FRMPD4: variants seen among roughly 807,000 people sequenced by gnomAD.
The protein encoded by FRMPD4 is FERM and PDZ domain containing 4.
In FRMPD4, 22 loss-of-function variants were observed where a neutral mutation model predicts 94.1. That is an observed-to-expected ratio of 0.23 (90% CI 0.17 to 0.33). FRMPD4 has a LOEUF of 0.33. Ranked by LOEUF, FRMPD4 falls within the 10% of genes least tolerant of loss-of-function variation. The pLI is 1.00. For missense variants in FRMPD4, 1,111 were observed against 1,339.9 expected, an observed-to-expected ratio of 0.83 and a Z score of 2.67; for synonymous variants, 631 against 548.6, an observed-to-expected ratio of 1.15 and a Z score of -2.10.
At chrX:12,452,591 A>T (rs2057285195) in intron 1 of FRMPD4, among the ~76,000 whole-genome samples, 1 of 112,149 alleles carries the variant, frequency 8.9e-6, no homozygotes, top group African/African-American at 3.2e-5. Context: ...TTTAACGAAA[A>T]GTATGCCCCC....
intron 3 of FRMPD4, among the ~76,000 whole-genome samples, chrX:11,984,413 T>C (rs746065922): frequency 3.6e-4 from 40 of 112,382 alleles, no homozygotes; most frequent in Non-Finnish European, 5.4e-4. Context: ...TAAAGCCGTG[T>C]TTCATTCTCC....
chrX:12,494,340 G>A (rs2057823465), intron 1 of FRMPD4, among the ~76,000 whole-genome samples: 1 of 111,723 alleles, frequency 9.0e-6, no homozygotes, highest in Admixed American at 9.5e-5. Context: ...AAAATCTCTA[G>A]ATATTGCTAA....
At chrX:12,653,779 G>GT (rs896364441) in intron 4 of FRMPD4, among the ~76,000 whole-genome samples, 2 of 107,274 alleles carry the variant, frequency 1.9e-5, no homozygotes, top group Non-Finnish European at 3.8e-5. Context: ...TTGTTTGTTT[G>GT]TTTTTGAGAC....
chrX:12,179,682 C>T (rs971897475), intron 1 of FRMPD4, among the ~76,000 whole-genome samples: 8 of 111,492 alleles, frequency 7.2e-5, no homozygotes, highest in Non-Finnish European at 1.9e-5. Flanking sequence ...TGCAATCTCA[C>T]GTTTTGAAGT....
At chrX:12,403,988 C>T (rs558593036) in intron 1 of FRMPD4, among the ~76,000 whole-genome samples, 1 of 111,627 alleles carries the variant, frequency 9.0e-6, no homozygotes, top group South Asian at 3.7e-4. Context: ...TTTTTTAGAG[C>T]TTTCATTATG....
At chrX:11,883,030 C>T (rs766092284) in intron 3 of FRMPD4, among the ~76,000 whole-genome samples, 5 of 111,624 alleles carry the variant, frequency 4.5e-5, no homozygotes, top group Non-Finnish European at 7.5e-5. Flanking sequence ...CTTTATTGAG[C>T]GCCTGCTCTC....
chrX:12,636,324 G>A (rs1447837672), intron 4 of FRMPD4, among the ~76,000 whole-genome samples: 1 of 110,760 alleles, frequency 9.0e-6, no homozygotes, highest in Admixed American at 9.6e-5. Context: ...GTCCTATAGC[G>A]ATTTCCACAG....
At chrX:12,340,111 G>T (rs1254818425) in intron 1 of FRMPD4, among the ~76,000 whole-genome samples, 2 of 112,158 alleles carry the variant, frequency 1.8e-5, no homozygotes, top group African/African-American at 6.5e-5. Context: ...CCCATTAGTG[G>T]CACTCAAGGA....
intron 1 of FRMPD4, among the ~76,000 whole-genome samples, chrX:12,344,803 T>C (rs1419852479): frequency 8.9e-6 from 1 of 111,999 alleles, no homozygotes; most frequent in African/African-American, 3.3e-5. Context: ...TGGCAAGTGC[T>C]GAATTCCAAG....
chrX:11,866,548 C>T (rs1176238246), intron 2 of FRMPD4, among the ~76,000 whole-genome samples: 10 of 111,173 alleles, frequency 9.0e-5, no homozygotes, highest in Admixed American at 4.8e-4. Flanking sequence ...CATATCACCT[C>T]GGTAAGAGAA....
chrX:12,027,617 A>AC (rs2054668103), intron 3 of FRMPD4, among the ~76,000 whole-genome samples: 1 of 112,116 alleles, frequency 8.9e-6, no homozygotes, highest in East Asian at 2.8e-4. Context: ...TGATGCAAAA[A>AC]AAAAATCAAA....
chrX:12,256,085 C>T (rs1328350239), intron 1 of FRMPD4, among the ~76,000 whole-genome samples: 2 of 111,839 alleles, frequency 1.8e-5, no homozygotes, highest in Non-Finnish European at 3.8e-5. Flanking sequence ...TATACATGTG[C>T]TTGACCATCC....
At position 12,717,730 on chromosome X, in the gene FRMPD4, G is replaced by A. The variant is rs768684415; in HGVS notation, c.2904G>A (p.Ser968=). The A allele has an allele frequency of 9.1e-6, 11 of 1,211,457 alleles. No individual in the cohort carries two copies. Among genetic ancestry groups the A allele is most frequent in the Non-Finnish European group, 8.9e-6 (8 of 895,077 alleles). The change falls in exon 16 of 17, where the codon TCG becomes TCA. Residue 968 remains serine (S), a synonymous_variant. Coordinates refer to ENST00000675598, the MANE Select transcript of FRMPD4 (RefSeq NM_001368397.1). ...CTGGGGGCTTGCCTCCAAAGTCCTCGCACGCCCTGGCTGCTAGGCCAGCAA... is the reference window on the plus strand; with the variant it reads ...CTGGGGGCTTGCCTCCAAAGTCCTCACACGCCCTGGCTGCTAGGCCAGCAA... ...TPAGGLPPKS[S]HALAARPATD...
chrX:11,847,888 C>T (rs867479315), intron 1 of FRMPD4, among the ~76,000 whole-genome samples: 4 of 39,575 alleles, frequency 1.0e-4, no homozygotes, highest in African/African-American at 4.6e-4. Flanking sequence ...GTTGTGGGGT[C>T]GGGGGAGGGG....
intron 4 of FRMPD4, among the ~76,000 whole-genome samples, chrX:12,629,421 A>C (rs1249035941): frequency 8.9e-6 from 1 of 112,095 alleles, no homozygotes; most frequent in Non-Finnish European, 1.9e-5. Flanking sequence ...GGTAGAAGTC[A>C]GAAAAATCTG....
At chrX:12,476,001 G>A (rs2057592860) in intron 1 of FRMPD4, among the ~76,000 whole-genome samples, 1 of 111,766 alleles carries the variant, frequency 8.9e-6, no homozygotes. Flanking sequence ...AGCCCGCATT[G>A]CCAAGTCAAT....
chrX:12,387,555 A>T (rs2056413716), intron 1 of FRMPD4, among the ~76,000 whole-genome samples: 1 of 111,990 alleles, frequency 8.9e-6, no homozygotes, highest in Non-Finnish European at 1.9e-5. Context: ...TCAGGTCAAT[A>T]AGAAATGCAT....
intron 4 of FRMPD4, among the ~76,000 whole-genome samples, chrX:12,628,738 A>T (rs1440074737): frequency 8.9e-6 from 1 of 112,338 alleles, no homozygotes; most frequent in African/African-American, 3.2e-5. Flanking sequence ...AGTTCACCCC[A>T]TTTTCCCCAT....
At chrX:12,717,207 G>A (rs771752539) in intron 15 of FRMPD4, 74 bp downstream of exon 15, 363 of 644,402 alleles carry the variant, frequency 5.6e-4, no homozygotes, top group Non-Finnish European at 8.2e-4. Flanking sequence ...TGCCCCTGGA[G>A]TCCTGTTACG....
Sources: gnomAD v4.1 joint callset for allele counts (sites outside exome capture counted in the v4.1 genomes callset) on GRCh38, gnomAD v4.1.1 for gene constraint, MANE v1.5 for transcripts, NCBI Gene and HGNC (gene_info 2026-07-23, HGNC 2026-07-21) for gene names.